The following TRAPPC9 variants were observed in gnomAD, a reference collection of about 807,000 sequenced individuals.
The protein encoded by TRAPPC9 is trafficking protein particle complex subunit 9, also known as IKK2 binding protein.
In TRAPPC9, 83 loss-of-function variants were observed where a neutral mutation model predicts 124.0. The observed-to-expected ratio is 0.67, with a 90% CI of 0.56 to 0.80. The LOEUF (loss-of-function observed/expected upper bound fraction) is 0.80, where lower values mean the gene tolerates loss of function less well. Among genes scored for constraint, TRAPPC9 ranks in the 30% least tolerant of loss-of-function variants. The pLI is 0.00. For missense variants in TRAPPC9, 1,302 were observed against 1,508.3 expected (o/e 0.86, Z 2.27); for synonymous variants, 638 against 617.5 (o/e 1.03, Z -0.49).
At chr8:140,438,504 G>A (rs2070895902) in intron 3 of TRAPPC9, among the ~76,000 whole-genome samples, 1 of 152,136 alleles carries the variant, frequency 6.6e-6, no homozygotes, top group Non-Finnish European at 1.5e-5. Context: ...TAAGAACAGA[G>A]GAAAAGGGAA....
chr8:140,010,534 G>C (rs1237501504), intron 18 of TRAPPC9, among the ~76,000 whole-genome samples: 1 of 152,142 alleles, frequency 6.6e-6, no homozygotes, highest in Non-Finnish European at 1.5e-5. Context: ...AAGAGGCCAA[G>C]ATTACATATA....
intron 17 of TRAPPC9, among the ~76,000 whole-genome samples, chr8:140,136,748 G>C (rs946776006): frequency 2.0e-5 from 3 of 152,184 alleles, no homozygotes; most frequent in African/African-American, 7.2e-5. Flanking sequence ...TGACGCAGGA[G>C]AATCACTTGA....
chr8:140,252,521 G>T lies in TRAPPC9; in HGVS notation c.2431+256C>A. On this transcript the variant is annotated intron_variant, in intron 16 of 22. Transcript: ENST00000438773. The surrounding 1 kb of genome is among the most constrained non-coding windows in gnomAD (Gnocchi z 4.2). The stretch of plus-strand genomic sequence containing the variant: ...GTAATTCCTACATTCCACTAATTTA[G>T]AATGACCTGCTGGTAAATGAGTACA... 4.5e-6 allele frequency: 2 copies of T among 442,820 alleles called. No individual in the cohort carries two copies. The highest frequency in any genetic ancestry group is 8.2e-6 in the Non-Finnish European group (2 of 243,000). 27.4% of individuals were successfully genotyped at this position (442,820 alleles called of 1,614,324 possible). A position where few individuals can be genotyped will look rare whatever the true frequency, so the allele number is the denominator to read the frequency against.
chr8:140,371,353 CCT>C (rs544095426), intron 7 of TRAPPC9, among the ~76,000 whole-genome samples, 173 bp from the exon 8 acceptor site: 384 of 152,386 alleles, frequency 2.5e-3, no homozygotes, highest in Middle Eastern at 6.8e-3. Context: ...TGGCTTCAGA[CCT>C]TCCCCAGCCA....
chr8:139,897,909 T>C (rs766162135), intron 20 of TRAPPC9, among the ~76,000 whole-genome samples: 4 of 152,240 alleles, frequency 2.6e-5, no homozygotes, highest in Non-Finnish European at 5.9e-5. Context: ...TTAGAGGCAC[T>C]TGTGTTGCCC....
intron 5 of TRAPPC9, among the ~76,000 whole-genome samples, chr8:140,416,281 T>C (rs2069925088): frequency 6.6e-6 from 1 of 152,162 alleles, no homozygotes; most frequent in Admixed American, 6.5e-5. Context: ...TTATCTAATT[T>C]AGATGAGTTG....
intron 21 of TRAPPC9, among the ~76,000 whole-genome samples, chr8:139,850,306 G>C (rs1442576550): frequency 6.6e-6 from 1 of 152,224 alleles, no homozygotes; most frequent in Non-Finnish European, 1.5e-5. Flanking sequence ...GCAGATGGCT[G>C]GTTCTCATGA....
intron 20 of TRAPPC9, among the ~76,000 whole-genome samples, chr8:139,902,963 A>G (rs2131231138): frequency 1.3e-5 from 2 of 152,298 alleles, no homozygotes; most frequent in Middle Eastern, 6.8e-3. Context: ...GTGAAGCCCA[A>G]ATAAAACTGA....
intron 19 of TRAPPC9, among the ~76,000 whole-genome samples, chr8:139,963,395 G>C (rs13265872): frequency 0.37 from 56,293 of 151,886 alleles, 11,711 homozygotes; most frequent in Non-Finnish European, 0.47. Context: ...AGGTGTAGAG[G>C]AGTTAAGGAA....
intron 17 of TRAPPC9, among the ~76,000 whole-genome samples, chr8:140,167,809 G>A (rs988940590): frequency 3.9e-5 from 6 of 152,160 alleles, no homozygotes; most frequent in South Asian, 2.1e-4. Context: ...ACAAAGAAAC[G>A]ACAGTAATTA....
chr8:140,379,160 G>C (rs2068531553), intron 7 of TRAPPC9, among the ~76,000 whole-genome samples: 1 of 151,422 alleles, frequency 6.6e-6, no homozygotes, highest in Admixed American at 6.6e-5. Context: ...TGGTAACTGG[G>C]GCCACAGGGC....
intron 17 of TRAPPC9, among the ~76,000 whole-genome samples, chr8:140,111,525 G>A (rs1454993956): frequency 2.0e-5 from 3 of 152,212 alleles, no homozygotes; most frequent in African/African-American, 4.8e-5. Flanking sequence ...CACCTGGAAC[G>A]AGGTGGGCAC....
At chr8:139,752,033 A>G (rs1819343604) in intron 21 of TRAPPC9, among the ~76,000 whole-genome samples, 1 of 146,498 alleles carries the variant, frequency 6.8e-6, no homozygotes, top group Non-Finnish European at 1.5e-5. Context: ...TCCACCACTC[A>G]TCCATTCACC....
At chr8:140,306,266 C>T (rs1033412982) in intron 10 of TRAPPC9, among the ~76,000 whole-genome samples, 1 of 151,968 alleles carries the variant, frequency 6.6e-6, no homozygotes, top group South Asian at 2.1e-4. Context: ...GAGGCCAAGG[C>T]GGGTGGATCA....
chr8:139,866,268 C>A (rs12543814), intron 21 of TRAPPC9, among the ~76,000 whole-genome samples: 2 of 152,022 alleles, frequency 1.3e-5, no homozygotes, highest in Non-Finnish European at 2.9e-5. Context: ...TCCACCCCCA[C>A]GTCCCATGAT....
intron 17 of TRAPPC9, among the ~76,000 whole-genome samples, chr8:140,170,626 G>A (rs1587850271): frequency 6.6e-6 from 1 of 152,354 alleles, no homozygotes; most frequent in East Asian, 1.9e-4. Flanking sequence ...GAGGCATGAA[G>A]AAGGCTCACT....
rs576866180 is a variant in TRAPPC9, at chr8:140,403,319, C to G, written c.1008+2258G>C. 5.3e-5 allele frequency among the ~76,000 whole-genome samples: 8 copies of G among 152,104 alleles called. No homozygotes were observed. The South Asian group carries it at 1.5e-3, about 28-fold the overall frequency. ...GTGGCTCGCACCTGTAGTCCCGCTA[C>G]TCAGGAGGCTAAGACAGGAGAATCA... On this transcript the variant is annotated intron_variant, in intron 6 of 22. Transcript: ENST00000438773.
At chr8:140,399,642 T>C (rs2069202245) in intron 6 of TRAPPC9, among the ~76,000 whole-genome samples, 1 of 152,216 alleles carries the variant, frequency 6.6e-6, no homozygotes, top group African/African-American at 2.4e-5. Context: ...CCCCATTGTA[T>C]CTAGGAAATA....
At chr8:140,160,617 G>A (rs529899089) in intron 17 of TRAPPC9, among the ~76,000 whole-genome samples, 1 of 150,910 alleles carries the variant, frequency 6.6e-6, no homozygotes, top group East Asian at 2.0e-4. Context: ...GACACAGGAA[G>A]GGGAACATCA....
Sources: allele counts gnomAD v4.1 joint callset (sites outside exome capture counted in the v4.1 genomes callset), GRCh38; gene constraint gnomAD v4.1.1; non-coding constraint Gnocchi (gnomAD v3.1); transcripts MANE v1.5; gene names NCBI Gene and HGNC (gene_info 2026-07-23, HGNC 2026-07-21).